Variants in NMRK1 observed in about 807,000 individuals in gnomAD.
NMRK1 encodes the protein NRK 1.
In NMRK1, 28 loss-of-function variants were observed where a neutral mutation model predicts 29.9. That is an observed-to-expected ratio of 0.94 (90% CI 0.69 to 1.28). The LOEUF (loss-of-function observed/expected upper bound fraction) is 1.28, where lower values mean the gene tolerates loss of function less well. NMRK1 is among the 50% of genes most tolerant of loss of function. The pLI is 0.00. For synonymous variants in NMRK1, 58 were observed against 73.0 expected, an observed-to-expected ratio of 0.79 and a Z score of 1.05; for missense variants, 218 against 233.1, an observed-to-expected ratio of 0.94 and a Z score of 0.42.
intron 8 of NMRK1, among the ~76,000 whole-genome samples, chr9:75,064,825 T>C (rs1359098247): frequency 1.3e-5 from 2 of 152,244 alleles, no homozygotes; most frequent in Non-Finnish European, 2.9e-5. Flanking sequence ...TGAGTCATAC[T>C]GTCTTCTCTG....
intron 1 of NMRK1, 96 bp downstream of exon 1, chr9:75,087,912 C>G (rs1824774578): frequency 1.3e-5 from 2 of 153,448 alleles, no homozygotes; most frequent in African/African-American, 4.8e-5. Context: ...CAGGGCGCAA[C>G]CAAGTCCCGG....
At chr9:75,069,625 G>A in intron 6 of NMRK1, 117 bp downstream of exon 6, 1 of 784,310 alleles carries the variant, frequency 1.3e-6, no homozygotes. Context: ...AAAGAGTTAA[G>A]GCTTCCTGTC....
chr9:75,080,420 G>A (rs539945474), intron 2 of NMRK1, among the ~76,000 whole-genome samples: 29 of 152,186 alleles, frequency 1.9e-4, no homozygotes, highest in Non-Finnish European at 3.8e-4. Flanking sequence ...GGGAGGTCGA[G>A]GTGGGTGGAT....
rs575336404 is a variant in NMRK1 at position 75,061,806 on chromosome 9, A to G, written c.581-239T>C. On this transcript the variant is annotated intron_variant, in intron 8 of 8. Transcript: ENST00000361092. ...ATCCAATATCACTTGTAGTTCGTAT[A>G]GTAATCCTTGACTTCAGAGAATGAT... Among the ~76,000 whole-genome samples the G allele has an allele frequency of 2.6e-5, 4 of 152,380 alleles. No individual in the cohort carries two copies. The South Asian group carries it at 8.3e-4, about 32-fold the overall frequency.
intron 6 of NMRK1, 125 bp from the exon 7 acceptor site, chr9:75,069,227 T>C: frequency 6.4e-6 from 4 of 628,436 alleles, no homozygotes; most frequent in Admixed American, 5.9e-5. Context: ...GGACTACATG[T>C]ACTACATGTT....
intron 8 of NMRK1, among the ~76,000 whole-genome samples, chr9:75,065,433 T>C (rs1024185923): frequency 6.6e-6 from 1 of 152,106 alleles, no homozygotes; most frequent in Non-Finnish European, 1.5e-5. Context: ...CCTCCCAAAG[T>C]GCTGGGATTA....
At chr9:75,081,778 T>C (rs1824336139) in intron 2 of NMRK1, among the ~76,000 whole-genome samples, 1 of 152,194 alleles carries the variant, frequency 6.6e-6, no homozygotes, top group Non-Finnish European at 1.5e-5. Flanking sequence ...TGAGTGTATG[T>C]GGACCAGGCT....
At chr9:75,075,767 T>A (rs1338725212) in intron 4 of NMRK1, among the ~76,000 whole-genome samples, 1 of 152,196 alleles carries the variant, frequency 6.6e-6, no homozygotes, top group Non-Finnish European at 1.5e-5. Context: ...AGTGGCCTAG[T>A]ACTTTGGCCA....
intron 2 of NMRK1, chr9:75,082,658 C>T (rs1429830753): frequency 6.1e-6 from 1 of 164,434 alleles, no homozygotes; most frequent in Non-Finnish European, 1.3e-5. Flanking sequence ...ATAAGGCCAC[C>T]CAAAACATGG....
At chr9:75,073,888 C>A (rs1219558401) in intron 4 of NMRK1, among the ~76,000 whole-genome samples, 1 of 152,044 alleles carries the variant, frequency 6.6e-6, no homozygotes, top group Non-Finnish European at 1.5e-5. Flanking sequence ...ATCTTCCTGT[C>A]GAAGTAACTC....
Position 75,083,121 on chromosome 9 carries a change from G to A in NMRK1, c.-6C>T. On this transcript the variant is annotated 5_prime_UTR_variant, in exon 2 of 9. Transcript: ENST00000361092. ...CCAATGATAAATGTTTTCATAATTA[G>A]CTTTGAAAATCACAGCTTCCTAATA... 6.3e-7 allele frequency: 1 copy of A among 1,587,870 alleles called. No individual in the cohort carries two copies. Among genetic ancestry groups the A allele is most frequent in the Non-Finnish European group, 8.6e-7 (1 of 1,156,216 alleles).
intron 8 of NMRK1, among the ~76,000 whole-genome samples, chr9:75,065,342 TG>T: frequency 6.6e-6 from 1 of 152,202 alleles, no homozygotes; most frequent in South Asian, 2.1e-4. Flanking sequence ...GCTAATTTTT[TG>T]TATTTTAGTA....
At position 75,066,342 on chromosome 9, in the gene NMRK1, A is replaced by G. The variant is rs1410824102; in HGVS notation, c.580+415T>C. ...TAATACTTTTTAAAATCTTTTGTTT[A>G]TCTTTGAGGTATTTGGAAAGTAGAA... On this transcript the variant is annotated intron_variant, in intron 8 of 8. Transcript: ENST00000361092. The G allele has an allele frequency of 1.2e-5, 6 of 487,450 alleles. No homozygotes were observed. In the Admixed American group the frequency reaches 1.3e-4, roughly 11 times the overall value. The allele number at this position is 487,450 out of a possible 1,614,324, so 30.2% of individuals were successfully genotyped here.
chr9:75,076,896 A>G (rs1824022239), intron 4 of NMRK1, among the ~76,000 whole-genome samples: 1 of 152,196 alleles, frequency 6.6e-6, no homozygotes, highest in Admixed American at 6.5e-5. Flanking sequence ...GCCTGGCCCC[A>G]GTGTTTTCAG....
At position 75,077,140 on chromosome 9, in the gene NMRK1, G is replaced by A; in HGVS notation, c.169+19C>T. The A allele has an allele frequency of 7.0e-7, 1 of 1,424,570 alleles. No individual in the cohort carries two copies. The highest frequency in any genetic ancestry group is 9.8e-7 in the Non-Finnish European group (1 of 1,016,324). 88.2% of individuals were successfully genotyped at this position (1,424,570 alleles called of 1,614,324 possible). A position where few individuals can be genotyped will look rare whatever the true frequency, so the allele number is the denominator to read the frequency against. On this transcript the variant is annotated intron_variant, in intron 4 of 8. Coordinates refer to ENST00000361092, the MANE Select transcript of NMRK1 (RefSeq NM_017881.3). ...AAATGAACATAAGCATATAATATTT[G>A]ACAAGTAAATCTACTTACCATCGTA... is the stretch of plus-strand genomic sequence containing the variant.
intron 2 of NMRK1, 107 bp downstream of exon 2, chr9:75,082,979 AG>A: frequency 1.2e-6 from 1 of 815,514 alleles, no homozygotes; most frequent in South Asian, 1.4e-5. Flanking sequence ...GCTCTTCCCC[AG>A]GACTCTGGAA....
intron 4 of NMRK1, among the ~76,000 whole-genome samples, 168 bp downstream of exon 4, chr9:75,076,991 A>G (rs143163776): frequency 8.5e-5 from 13 of 152,376 alleles, no homozygotes; most frequent in African/African-American, 3.1e-4. Flanking sequence ...GGCTTAAAGT[A>G]CAACAATATA....
intron 2 of NMRK1, among the ~76,000 whole-genome samples, chr9:75,079,227 A>G (rs1824180008): frequency 6.6e-6 from 1 of 152,250 alleles, no homozygotes; most frequent in African/African-American, 2.4e-5. Flanking sequence ...TACGATATAC[A>G]ATTGGGTAGG....
rs1824538056 is a variant in NMRK1, at chr9:75,085,049, C to T, written c.-35-1899G>A. Among the ~76,000 whole-genome samples the T allele has an allele frequency of 2.0e-5, 3 of 152,160 alleles. No individual in the cohort carries two copies. In the South Asian group the frequency reaches 6.2e-4, roughly 31 times the overall value. On this transcript the variant is annotated intron_variant, in intron 1 of 8. Coordinates refer to ENST00000361092, the MANE Select transcript of NMRK1 (RefSeq NM_017881.3). ...AAGGGAGAGGCTGCTCTTTATCTCACTTTTGTGGTGATAAATGTTCTTTCT... is the reference window on the plus strand; with the variant it reads ...AAGGGAGAGGCTGCTCTTTATCTCATTTTTGTGGTGATAAATGTTCTTTCT...
Sources: gnomAD v4.1 joint callset for allele counts (sites outside exome capture counted in the v4.1 genomes callset) on GRCh38, gnomAD v4.1.1 for gene constraint, MANE v1.5 for transcripts, NCBI Gene and HGNC (gene_info 2026-07-23, HGNC 2026-07-21) for gene names.